The following DERA variants were observed in gnomAD, a reference collection of about 807,000 sequenced individuals.
DERA encodes 2-deoxy-D-ribose 5-phosphate aldolase.
DERA carries 15 observed loss-of-function variants against 41.1 expected under a neutral mutation model. The ratio of observed to expected loss-of-function variants is 0.37; its 90% CI spans 0.24 to 0.56. The LOEUF (loss-of-function observed/expected upper bound fraction) is 0.56, where lower values mean the gene tolerates loss of function less well. Ranked by LOEUF, DERA falls within the 20% of genes least tolerant of loss-of-function variation. DERA has a pLI of 0.81. For synonymous variants in DERA, 139 were observed against 137.4 expected, an observed-to-expected ratio of 1.01 and a Z score of -0.08; for missense variants, 396 against 403.4, an observed-to-expected ratio of 0.98 and a Z score of 0.16.
At chr12:16,023,425 C>G (rs2136185817) in intron 6 of DERA, among the ~76,000 whole-genome samples, 1 of 147,444 alleles carries the variant, frequency 6.8e-6, no homozygotes, top group Middle Eastern at 3.5e-3. Flanking sequence ...GCATAGCTTT[C>G]AACAAAAAAT....
At chr12:15,980,468 CT>C (rs1948725296) in intron 5 of DERA, among the ~76,000 whole-genome samples, 1 of 152,038 alleles carries the variant, frequency 6.6e-6, no homozygotes, top group South Asian at 2.1e-4. Flanking sequence ...AAACAAGTTT[CT>C]TTTTTTAGAT....
At chr12:15,949,399 C>T (rs927971092) in intron 1 of DERA, among the ~76,000 whole-genome samples, 1 of 152,168 alleles carries the variant, frequency 6.6e-6, no homozygotes, top group Non-Finnish European at 1.5e-5. Flanking sequence ...TCAGCAATGG[C>T]AGGCACCCCT....
chr12:15,923,461 AC>A lies in DERA; in HGVS notation c.31+12049del, dbSNP rs200851314. Among the ~76,000 whole-genome samples, 1,424 of 152,180 alleles carry A rather than the reference AC, an allele frequency of 9.4e-3. 22 individuals carry two copies. Among genetic ancestry groups the A allele is most frequent in the African/African-American group, 0.033 (1,361 of 41,506 alleles). On this transcript the variant is annotated intron_variant, in intron 1 of 8. Transcript: ENST00000428559. ...AATGTTCCCTGTGCTTGCAGTTCAG[AC>A]CTTTTCCTTCCTTCTCTGGCCAGCA...
Position 16,026,913 on chromosome 12 carries a change from A to C in DERA, c.638-5629A>C, listed in dbSNP as rs921480035. ...ACATACATATAAAAATCCTTAACAA[A>C]ATATTAGCAAAATGAGTCCAACAAT... On this transcript the variant is annotated intron_variant, in intron 6 of 8. Transcript: ENST00000428559. This position sits in a 1 kb window ranked among gnomAD's most constrained non-coding sequence, Gnocchi z 4.4. Among the ~76,000 whole-genome samples the C allele has an allele frequency of 6.6e-6, 1 of 152,184 alleles. No individual in the cohort carries two copies. Among genetic ancestry groups the C allele is most frequent in the East Asian group, 1.9e-4 (1 of 5,206 alleles).
intron 5 of DERA, among the ~76,000 whole-genome samples, chr12:15,977,349 A>G (rs1948704431): frequency 6.6e-6 from 1 of 152,182 alleles, no homozygotes; most frequent in African/African-American, 2.4e-5. Flanking sequence ...TTTTGAGGAA[A>G]TACAGTTTTA....
In DERA at chr12:16,001,543, G is replaced by T. The variant is rs774935955; in HGVS notation, c.637+19107G>T. Among the ~76,000 whole-genome samples the T allele has an allele frequency of 2.6e-5, 4 of 152,204 alleles. No individual in the cohort carries two copies. The highest frequency in any genetic ancestry group is 4.4e-5 in the Non-Finnish European group (3 of 68,032). On this transcript the variant is annotated intron_variant, in intron 6 of 8. Coordinates refer to ENST00000428559, the MANE Select transcript of DERA (RefSeq NM_015954.4). This position sits in a 1 kb window ranked among gnomAD's most constrained non-coding sequence, Gnocchi z 4.1. ...CTTGTGGAGTCATGGTCTTAGGTCT[G>T]TGTGACGTGTTTGATGCTCTGCAAG...
At chr12:16,033,891 A>G (rs1949110391) in intron 7 of DERA, among the ~76,000 whole-genome samples, 1 of 152,322 alleles carries the variant, frequency 6.6e-6, no homozygotes, top group Middle Eastern at 3.4e-3. Context: ...TGTGAACTAC[A>G]TGAGAAAGCT....
rs369078394 is a variant in DERA, at chr12:16,000,030, A to C, written c.637+17594A>C. Among the ~76,000 whole-genome samples, 15 of 152,176 alleles carry C rather than the reference A, an allele frequency of 9.9e-5. No homozygotes were observed. The highest frequency in any genetic ancestry group is 1.9e-4 in the Non-Finnish European group (13 of 68,032). On this transcript the variant is annotated intron_variant, in intron 6 of 8. Transcript: ENST00000428559. The surrounding 1 kb of genome is among the most constrained non-coding windows in gnomAD (Gnocchi z 4.8). ...ATGCAATGCAGGCAATGCAGTGGGT[A>C]TGGAGCAGAGTAGATGCCTGTGGGA...
Position 15,959,046 on chromosome 12 carries a change from T to C in DERA, c.277+711T>C, listed in dbSNP as rs1462200280. Among the ~76,000 whole-genome samples, 1 of 152,108 alleles carries C rather than the reference T, an allele frequency of 6.6e-6. No homozygotes were observed. Among genetic ancestry groups the C allele is most frequent in the African/African-American group, 2.4e-5 (1 of 41,420 alleles). ...TGGAGTATGCTTCATGGCCCCCGAG[T>C]GCCTATCTGCTGTGAGTGCAACTGG... On this transcript the variant is annotated intron_variant, in intron 3 of 8. Transcript: ENST00000428559. The surrounding 1 kb of genome is among the most constrained non-coding windows in gnomAD (Gnocchi z 4.5).
chr12:15,951,385 AGGCT>A (rs1948496383), intron 1 of DERA: 1 of 152,274 alleles, frequency 6.6e-6, no homozygotes, highest in South Asian at 2.1e-4. Context: ...TAGCTGTATC[AGGCT>A]GGCTTTCTGG....
chr12:16,030,384 G>A (rs1269269285), intron 6 of DERA, among the ~76,000 whole-genome samples: 5 of 152,112 alleles, frequency 3.3e-5, no homozygotes, highest in African/African-American at 1.2e-4. Context: ...TTCTTTGGGG[G>A]ATGTTTCCCT....
rs912181508 is a variant in DERA, at chr12:15,993,988, AAGAG to A, written c.637+11556_637+11559del. On this transcript the variant is annotated intron_variant, in intron 6 of 8. Transcript: ENST00000428559. This position sits in a 1 kb window ranked among gnomAD's most constrained non-coding sequence, Gnocchi z 4.4. ...GGTTGGGCTTCTGTGAAGAAAGAAA[AAGAG>A]AGAAAAGAAAAAGCTTAGTTTTTTA... Among the ~76,000 whole-genome samples, 4 of 152,360 alleles carry A rather than the reference AAGAG, an allele frequency of 2.6e-5. No individual in the cohort carries two copies. The highest frequency in any genetic ancestry group is 7.2e-5 in the African/African-American group (3 of 41,586).
At chr12:16,025,591 A>G (rs946199899) in intron 6 of DERA, among the ~76,000 whole-genome samples, 2 of 152,118 alleles carry the variant, frequency 1.3e-5, no homozygotes, top group African/African-American at 4.8e-5. Context: ...AAATAAACAA[A>G]TCTACTATTG....
At position 16,014,808 on chromosome 12, in the gene DERA, G is replaced by A. The variant is rs1028932743; in HGVS notation, c.638-17734G>A. On this transcript the variant is annotated intron_variant, in intron 6 of 8. Coordinates refer to ENST00000428559, the MANE Select transcript of DERA (RefSeq NM_015954.4). This position sits in a 1 kb window ranked among gnomAD's most constrained non-coding sequence, Gnocchi z 5.4. ...AATGCTAGCCCGTGAAAGCAGCCAG[G>A]AGGGGTACTGTACCCTGCAAAGCCA... is the stretch of plus-strand genomic sequence containing the variant. Among the ~76,000 whole-genome samples, 2 of 152,212 alleles carry A rather than the reference G, an allele frequency of 1.3e-5. No individual in the cohort carries two copies. The highest frequency in any genetic ancestry group is 2.9e-5 in the Non-Finnish European group (2 of 68,036).
rs886904452 is a variant in DERA, at chr12:15,957,954, G to GA, written c.130-226dup. On this transcript the variant is annotated intron_variant, in intron 2 of 8. Coordinates refer to ENST00000428559, the MANE Select transcript of DERA (RefSeq NM_015954.4). This position sits in a 1 kb window ranked among gnomAD's most constrained non-coding sequence, Gnocchi z 4.8. ...GTTTCAATTTGGGATATCTGTGGGA[G>GA]AAAAAAAATGTTTAAGCCTACTCTT... is the stretch of plus-strand genomic sequence containing the variant. 4.0e-5 allele frequency among the ~76,000 whole-genome samples: 6 copies of GA among 151,800 alleles called. No homozygotes were observed. The highest frequency in any genetic ancestry group is 5.9e-5 in the Non-Finnish European group (4 of 67,938).
chr12:15,958,355 T>C lies in DERA; in HGVS notation c.277+20T>C, dbSNP rs1431865177. On this transcript the variant is annotated intron_variant, in intron 3 of 8. Coordinates refer to ENST00000428559, the MANE Select transcript of DERA (RefSeq NM_015954.4). The stretch of plus-strand genomic sequence containing the variant: ...ATAAAGGTAATGTTGTTGTGTGTGA[T>C]CTATGTGGTGTTTAGTGCTTACAAT... The C allele has an allele frequency of 6.3e-7, 1 of 1,584,630 alleles. No individual in the cohort carries two copies. Among genetic ancestry groups the C allele is most frequent in the South Asian group, 1.2e-5 (1 of 84,880 alleles).
At chr12:16,028,323 C>A (rs571806568) in intron 6 of DERA, among the ~76,000 whole-genome samples, 10 of 152,146 alleles carry the variant, frequency 6.6e-5, no homozygotes, top group Non-Finnish European at 1.3e-4. Context: ...AAAGCTGGAA[C>A]CGTGTGAACA....
At chr12:15,953,553 T>C (rs1223306629) in intron 1 of DERA, among the ~76,000 whole-genome samples, 2 of 152,048 alleles carry the variant, frequency 1.3e-5, no homozygotes, top group Non-Finnish European at 2.9e-5. Flanking sequence ...AGGTAAATAG[T>C]GGGACTTTTT....
In DERA at chr12:15,983,287, T is replaced by G. The variant is rs1466920256; in HGVS notation, c.637+851T>G. Among the ~76,000 whole-genome samples the G allele has an allele frequency of 2.0e-5, 3 of 152,314 alleles. No homozygotes were observed. In the East Asian group the frequency reaches 5.8e-4, roughly 29 times the overall value. ...TGGTAAAGTGTACATTCCTTGATTCTTATTTTAAAAAGGTCCTTCCTAAGA... is the reference window on the plus strand; with the variant it reads ...TGGTAAAGTGTACATTCCTTGATTCGTATTTTAAAAAGGTCCTTCCTAAGA... On this transcript the variant is annotated intron_variant, in intron 6 of 8. Coordinates refer to ENST00000428559, the MANE Select transcript of DERA (RefSeq NM_015954.4). This position sits in a 1 kb window ranked among gnomAD's most constrained non-coding sequence, Gnocchi z 6.2.
Sources: gnomAD v4.1 joint callset for allele counts (sites outside exome capture counted in the v4.1 genomes callset) on GRCh38, gnomAD v4.1.1 for gene constraint, Gnocchi (gnomAD v3.1) non-coding constraint, MANE v1.5 for transcripts, NCBI Gene and HGNC (gene_info 2026-07-23, HGNC 2026-07-21) for gene names.